Variants in KHDRBS2 observed in about 807,000 individuals in gnomAD.
KHDRBS2 encodes KH domain-containing, RNA-binding, signal transduction-associated protein 2.
A neutral mutation model predicts 44.3 loss-of-function variants in KHDRBS2; 26 were observed. That is an observed-to-expected ratio of 0.59 (90% CI 0.43 to 0.81). The LOEUF is 0.81. Among genes scored for constraint, KHDRBS2 ranks in the 40% least tolerant of loss-of-function variants. The probability of loss-of-function intolerance (pLI) is 0.00; values close to 1 mark genes in which losing one functional copy is unlikely to be tolerated. For synonymous variants in KHDRBS2, 194 were observed against 151.1 expected, an observed-to-expected ratio of 1.28 and a Z score of -2.08; for missense variants, 476 against 433.1, an observed-to-expected ratio of 1.10 and a Z score of -0.88.
chr6:61,559,344 T>G, the KHDRBS2 span, among the ~76,000 whole-genome samples: 2 of 132,146 alleles, frequency 1.5e-5, no homozygotes, highest in Non-Finnish European at 3.5e-5. Flanking sequence ...AACAGATTAT[T>G]GGGTTTGGGT....
At chr6:61,595,049 C>T in the KHDRBS2 span, among the ~76,000 whole-genome samples, 1 of 152,104 alleles carries the variant, frequency 6.6e-6, no homozygotes, top group African/African-American at 2.4e-5. Flanking sequence ...CCTTTTCTCT[C>T]TCCCCACTGT....
chr6:61,579,064 T>G, the KHDRBS2 span, among the ~76,000 whole-genome samples: 93,594 of 151,946 alleles, frequency 0.62, 29,054 homozygotes, highest in Non-Finnish European at 0.65. Flanking sequence ...GGGCTCCAGT[T>G]TTAAGTTTAA....
intron 6 of KHDRBS2, among the ~76,000 whole-genome samples, chr6:61,822,488 C>T (rs992602302): frequency 2.6e-5 from 4 of 151,950 alleles, no homozygotes; most frequent in African/African-American, 9.7e-5. Flanking sequence ...CTTCAATGTT[C>T]TAATGTGGTT....
intron 1 of KHDRBS2, among the ~76,000 whole-genome samples, chr6:62,248,083 CTA>C (rs1296601493): frequency 6.6e-6 from 1 of 151,836 alleles, no homozygotes; most frequent in African/African-American, 2.4e-5. Context: ...AGTTATTAGC[CTA>C]GAGTTGTTAG....
chr6:61,982,834 G>A (rs1388204488), intron 3 of KHDRBS2, among the ~76,000 whole-genome samples: 1 of 151,996 alleles, frequency 6.6e-6, no homozygotes, highest in Non-Finnish European at 1.5e-5. Context: ...AATTTGTTAT[G>A]GCCTTTGTTT....
intron 6 of KHDRBS2, among the ~76,000 whole-genome samples, chr6:61,833,301 T>C (rs1436478114): frequency 6.6e-6 from 1 of 152,192 alleles, no homozygotes; most frequent in Non-Finnish European, 1.5e-5. Flanking sequence ...ATTTTTCACA[T>C]TACCTATATT....
At chr6:61,806,260 G>C (rs930830254) in intron 6 of KHDRBS2, among the ~76,000 whole-genome samples, 14 of 152,058 alleles carry the variant, frequency 9.2e-5, no homozygotes, top group South Asian at 4.2e-4. Context: ...TTCTCTGTTG[G>C]GGTACTCATA....
At chr6:61,948,445 C>T (rs17429433) in intron 4 of KHDRBS2, among the ~76,000 whole-genome samples, 32,581 of 151,710 alleles carry the variant, frequency 0.21, 3,736 homozygotes, top group Admixed American at 0.31. Flanking sequence ...GTAGTCATTT[C>T]TTTAAATTAC....
intron 2 of KHDRBS2, among the ~76,000 whole-genome samples, chr6:62,055,736 C>A (rs1790131620): frequency 1.3e-5 from 2 of 152,016 alleles, no homozygotes; most frequent in Non-Finnish European, 2.9e-5. Flanking sequence ...AGATCCCTTT[C>A]CACGTAGGTT....
intron 1 of KHDRBS2, among the ~76,000 whole-genome samples, chr6:62,256,825 A>G (rs1245456605): frequency 1.3e-5 from 2 of 152,054 alleles, no homozygotes; most frequent in South Asian, 4.1e-4. Flanking sequence ...AAACTCTTGG[A>G]TCCATATAAA....
chr6:61,558,089 T>C, the KHDRBS2 span, among the ~76,000 whole-genome samples: 4 of 152,186 alleles, frequency 2.6e-5, no homozygotes, highest in Non-Finnish European at 5.9e-5. Flanking sequence ...TTTGTTTCAT[T>C]GACCTTTTGT....
chr6:61,717,357 G>GAA (rs1002920888), intron 7 of KHDRBS2, among the ~76,000 whole-genome samples: 2 of 151,486 alleles, frequency 1.3e-5, no homozygotes, highest in Admixed American at 6.6e-5. Context: ...AAGAGAGAGA[G>GAA]AAAAAAAACA....
chr6:61,552,757 A>T, the KHDRBS2 span, among the ~76,000 whole-genome samples: 1 of 152,160 alleles, frequency 6.6e-6, no homozygotes, highest in Non-Finnish European at 1.5e-5. Flanking sequence ...CAAAATAATC[A>T]TGTGGTTTTT....
chr6:62,094,947 G>A (rs1458923309), intron 2 of KHDRBS2, among the ~76,000 whole-genome samples: 2 of 151,842 alleles, frequency 1.3e-5, no homozygotes, highest in African/African-American at 4.8e-5. Context: ...AGTACCTGCT[G>A]TTTTGGTTAC....
intron 4 of KHDRBS2, among the ~76,000 whole-genome samples, chr6:61,967,362 A>C (rs921197835): frequency 1.3e-5 from 2 of 152,052 alleles, no homozygotes; most frequent in African/African-American, 4.8e-5. Flanking sequence ...GTGCTTGGAA[A>C]TGTAAGCCAT....
At chr6:62,055,162 A>T (rs1584395511) in intron 2 of KHDRBS2, among the ~76,000 whole-genome samples, 1 of 152,030 alleles carries the variant, frequency 6.6e-6, no homozygotes, top group East Asian at 1.9e-4. Context: ...GTAGGTGAAA[A>T]CATAAATCAC....
the KHDRBS2 span, among the ~76,000 whole-genome samples, chr6:61,602,962 A>G: frequency 6.6e-6 from 1 of 152,016 alleles, no homozygotes; most frequent in Non-Finnish European, 1.5e-5. Flanking sequence ...AGCCTCCTTC[A>G]CATCCTTTCC....
At chr6:62,095,480 T>A (rs924104141) in intron 2 of KHDRBS2, among the ~76,000 whole-genome samples, 1 of 151,854 alleles carries the variant, frequency 6.6e-6, no homozygotes, top group Non-Finnish European at 1.5e-5. Context: ...TACAGTAACA[T>A]GTTCTATGGT....
At chr6:62,098,834 T>C (rs3904142) in intron 2 of KHDRBS2, among the ~76,000 whole-genome samples, 94,194 of 151,972 alleles carry the variant, frequency 0.62, 29,409 homozygotes, top group African/African-American at 0.64. Context: ...CATTCCTTTA[T>C]ATTATTTTTT....
Sources: allele counts gnomAD v4.1 joint callset (sites outside exome capture counted in the v4.1 genomes callset), GRCh38; gene constraint gnomAD v4.1.1; transcripts MANE v1.5; gene names NCBI Gene and HGNC (gene_info 2026-07-23, HGNC 2026-07-21).